The following JAZF1 variants were observed in gnomAD, a reference collection of about 807,000 sequenced individuals.
JAZF1 encodes JAZF zinc finger 1.
A neutral mutation model predicts 26.4 loss-of-function variants in JAZF1; 8 were observed. The ratio of observed to expected loss-of-function variants is 0.30; its 90% CI spans 0.18 to 0.55. The LOEUF is 0.55. Among genes scored for constraint, JAZF1 ranks in the 20% least tolerant of loss-of-function variants. JAZF1 has a pLI of 0.94. For missense variants in JAZF1, 199 were observed against 322.0 expected (o/e 0.62, Z 2.92); for synonymous variants, 126 against 122.3 (o/e 1.03, Z -0.20).
At chr7:27,948,169 A>C (rs1312216377) in intron 2 of JAZF1, among the ~76,000 whole-genome samples, 1 of 152,116 alleles carries the variant, frequency 6.6e-6, no homozygotes, top group East Asian at 1.9e-4. Context: ...TGAAAATCAC[A>C]GGCTGGGCAG....
At chr7:28,056,481 G>C (rs867662849) in intron 1 of JAZF1, among the ~76,000 whole-genome samples, 1 of 139,504 alleles carries the variant, frequency 7.2e-6, no homozygotes, top group Non-Finnish European at 1.6e-5. Flanking sequence ...CACACAATAA[G>C]AAAGAAATTC....
intron 3 of JAZF1, among the ~76,000 whole-genome samples, chr7:27,873,189 G>A (rs1783616186): frequency 6.6e-6 from 1 of 152,080 alleles, no homozygotes; most frequent in South Asian, 2.1e-4. Context: ...TTCCGACAAG[G>A]TCTTCATACT....
intron 1 of JAZF1, among the ~76,000 whole-genome samples, chr7:28,070,020 A>G (rs1254440388): frequency 2.6e-5 from 4 of 152,032 alleles, no homozygotes; most frequent in South Asian, 2.1e-4. Flanking sequence ...CTCACGGCAC[A>G]CTGCACTTTG....
chr7:28,149,911 C>G (rs1423225651), intron 1 of JAZF1, among the ~76,000 whole-genome samples: 1 of 152,224 alleles, frequency 6.6e-6, no homozygotes, highest in African/African-American at 2.4e-5. Context: ...AAAGTCCCTT[C>G]TGGCAGGAGC....
chr7:28,124,274 A>G (rs568029494), intron 1 of JAZF1, among the ~76,000 whole-genome samples: 2 of 152,332 alleles, frequency 1.3e-5, no homozygotes, highest in East Asian at 3.9e-4. Flanking sequence ...TGCAAGCCAC[A>G]CAAAGAGGCC....
chr7:28,019,222 C>G (rs768276399), intron 1 of JAZF1, among the ~76,000 whole-genome samples: 19 of 152,170 alleles, frequency 1.2e-4, no homozygotes, highest in Non-Finnish European at 2.5e-4. Flanking sequence ...AGCCATGGGC[C>G]AGGACACTGG....
chr7:28,089,492 T>C (rs1001507710), intron 1 of JAZF1, among the ~76,000 whole-genome samples: 7 of 152,158 alleles, frequency 4.6e-5, no homozygotes, highest in African/African-American at 1.7e-4. Flanking sequence ...AACAAATACT[T>C]AAATATGTGG....
At chr7:27,855,259 C>T (rs1002615530) in intron 3 of JAZF1, among the ~76,000 whole-genome samples, 30 of 151,864 alleles carry the variant, frequency 2.0e-4, no homozygotes, top group African/African-American at 6.8e-4. Context: ...ACTAAATGCC[C>T]ACAAGAGAAA....
rs567150251 is a variant in JAZF1, at chr7:27,867,211, T to A, written c.386-26344A>T. On this transcript the variant is annotated intron_variant, in intron 3 of 4. Transcript: ENST00000283928. ...GGAGGGCTGGGAAAGGGAGGATGAT[T>A]GATATAGAGAAAAATGTTGCAATGA... 4.9e-4 allele frequency among the ~76,000 whole-genome samples: 75 copies of A among 152,242 alleles called. No homozygotes were observed. In the South Asian group the frequency reaches 8.3e-3, roughly 17 times the overall value.
At position 28,137,119 on chromosome 7, in the gene JAZF1, T is replaced by C. The variant is rs117196349; in HGVS notation, c.115+43344A>G. On this transcript the variant is annotated intron_variant, in intron 1 of 4. Coordinates refer to ENST00000283928, the MANE Select transcript of JAZF1 (RefSeq NM_175061.4). The stretch of plus-strand genomic sequence containing the variant: ...TGACTCGTGTGAAGTTGCTCAACAG[T>C]TACCATGGTAGGGTAGGGACTGAGA... Among the ~76,000 whole-genome samples, 558 of 152,290 alleles carry C rather than the reference T, an allele frequency of 3.7e-3. 1 individual carries two copies. Among genetic ancestry groups the C allele is most frequent in the Middle Eastern group, 0.01 (3 of 294 alleles).
intron 3 of JAZF1, among the ~76,000 whole-genome samples, chr7:27,879,728 A>G (rs1783738352): frequency 6.6e-6 from 1 of 152,138 alleles, no homozygotes; most frequent in Admixed American, 6.5e-5. Context: ...CATTTATTTA[A>G]TATCTTAGAA....
chr7:28,057,097 C>G (rs1324939535), intron 1 of JAZF1, among the ~76,000 whole-genome samples: 1 of 152,114 alleles, frequency 6.6e-6, no homozygotes, highest in Non-Finnish European at 1.5e-5. Context: ...CATGCTGTGA[C>G]CCTCATCACT....
At chr7:28,080,375 G>C (rs1784115586) in intron 1 of JAZF1, among the ~76,000 whole-genome samples, 1 of 152,198 alleles carries the variant, frequency 6.6e-6, no homozygotes, top group African/African-American at 2.4e-5. Flanking sequence ...CAGCAATAAA[G>C]CTGTTCTGCT....
At chr7:28,090,510 T>G (rs1784276901) in intron 1 of JAZF1, among the ~76,000 whole-genome samples, 1 of 152,260 alleles carries the variant, frequency 6.6e-6, no homozygotes. Context: ...ATTATTTTAG[T>G]GTTACAGTGC....
At chr7:27,917,090 G>A (rs776955595) in intron 2 of JAZF1, among the ~76,000 whole-genome samples, 9 of 152,224 alleles carry the variant, frequency 5.9e-5, no homozygotes, top group South Asian at 2.1e-4. Context: ...AGAAATAACC[G>A]ATTGTACCTT....
chr7:27,998,067 AAGGAAGGCAGGCAGGC>A (rs1434192853), intron 1 of JAZF1, among the ~76,000 whole-genome samples: 2 of 72,808 alleles, frequency 2.7e-5, no homozygotes, highest in Admixed American at 2.3e-4. Flanking sequence ...GGAAGGAAGG[AAGGAAGGCAGGCAGGC>A]AGGCAGGCAG....
chr7:27,903,317 C>T (rs1323078366), intron 2 of JAZF1, among the ~76,000 whole-genome samples: 1 of 152,094 alleles, frequency 6.6e-6, no homozygotes, highest in African/African-American at 2.4e-5. Flanking sequence ...TGTCAGCCTC[C>T]TGAGTAGCTG....
chr7:27,896,725 TA>T (rs1337436112), intron 2 of JAZF1, among the ~76,000 whole-genome samples: 1 of 152,212 alleles, frequency 6.6e-6, no homozygotes, highest in East Asian at 1.9e-4. Context: ...GAAACAACAG[TA>T]ATACTGTTAC....
chr7:28,035,635 G>A (rs376612188), intron 1 of JAZF1, among the ~76,000 whole-genome samples: 66 of 152,230 alleles, frequency 4.3e-4, no homozygotes, highest in African/African-American at 1.5e-3. Flanking sequence ...AGGGCTGGAC[G>A]AGAGGAGTAA....
Sources: gnomAD v4.1 joint callset for allele counts (sites outside exome capture counted in the v4.1 genomes callset) on GRCh38, gnomAD v4.1.1 for gene constraint, MANE v1.5 for transcripts, NCBI Gene and HGNC (gene_info 2026-07-23, HGNC 2026-07-21) for gene names.